Variants in NRG3 observed in about 807,000 individuals in gnomAD.
NRG3 encodes pro-neuregulin-3, membrane-bound isoform.
A neutral mutation model predicts 66.9 loss-of-function variants in NRG3; 31 were observed. The observed-to-expected ratio is 0.46, with a 90% confidence interval of 0.35 to 0.63. The LOEUF is 0.63. Among genes scored for constraint, NRG3 ranks in the 20% least tolerant of loss-of-function variants. NRG3 has a pLI of 0.00. For synonymous variants in NRG3, 393 were observed against 359.4 expected (o/e 1.09, Z -1.06); for missense variants, 910 against 878.9 (o/e 1.04, Z -0.45).
At chr10:82,912,538 G>A (rs748791364) in intron 4 of NRG3, among the ~76,000 whole-genome samples, 3 of 151,888 alleles carry the variant, frequency 2.0e-5, no homozygotes, top group Non-Finnish European at 4.4e-5. Flanking sequence ...TGGCACCCAC[G>A]CCATTATATT....
At chr10:82,951,999 A>G (rs1183200907) in intron 5 of NRG3, among the ~76,000 whole-genome samples, 2 of 152,260 alleles carry the variant, frequency 1.3e-5, no homozygotes, top group East Asian at 3.8e-4. Flanking sequence ...GTTTTTCATA[A>G]AGATTTTAGG....
chr10:81,894,228 C>T (rs769631137), intron 1 of NRG3, among the ~76,000 whole-genome samples: 1 of 152,134 alleles, frequency 6.6e-6, no homozygotes, highest in African/African-American at 2.4e-5. Flanking sequence ...GTAGTCCCAG[C>T]TCCTCATGAG....
chr10:82,474,221 C>G (rs536402220), intron 2 of NRG3, among the ~76,000 whole-genome samples: 21 of 151,770 alleles, frequency 1.4e-4, no homozygotes, highest in African/African-American at 5.1e-4. Context: ...AATATGAATG[C>G]ATGGTCCATT....
In NRG3 at chr10:82,797,043, T is replaced by C. The variant is rs74144326; in HGVS notation, c.1027+58393T>C. Among the ~76,000 whole-genome samples the C allele has an allele frequency of 8.2e-3, 1,252 of 152,112 alleles. 23 individuals are homozygous for C. The highest frequency in any genetic ancestry group is 0.029 in the African/African-American group (1,209 of 41,476). Reference sequence around the variant, plus strand: ...CTCTGAAAAGAGGCAATTAGAAAAATTAAGATCTAAAAAGAGAAGTAACAG... The same window carrying C: ...CTCTGAAAAGAGGCAATTAGAAAAACTAAGATCTAAAAAGAGAAGTAACAG... On this transcript the variant is annotated intron_variant, in intron 3 of 8. Transcript: ENST00000372141.
chr10:82,310,650 A>T (rs900190282), intron 1 of NRG3, among the ~76,000 whole-genome samples: 1 of 152,144 alleles, frequency 6.6e-6, no homozygotes, highest in African/African-American at 2.4e-5. Flanking sequence ...ATTTCTTCCA[A>T]TCATTTTTTT....
At chr10:82,353,490 C>G (rs865857043) in intron 1 of NRG3, among the ~76,000 whole-genome samples, 4 of 152,144 alleles carry the variant, frequency 2.6e-5, no homozygotes, top group African/African-American at 9.7e-5. Context: ...TTTAATTACT[C>G]TACTGATTAC....
At position 82,115,604 on chromosome 10, in the gene NRG3, G is replaced by T. The variant is rs901120302; in HGVS notation, c.823+239441G>T. On this transcript the variant is annotated intron_variant, in intron 1 of 8. Coordinates refer to ENST00000372141, the MANE Select transcript of NRG3 (RefSeq NM_001010848.4). ...TCTGGGGCTTGGTTGTTAATTTGGT[G>T]TAATGTGATTAATTGAGACAGGCAT... Among the ~76,000 whole-genome samples, 52 of 152,204 alleles carry T rather than the reference G, an allele frequency of 3.4e-4. 1 individual carries two copies. The highest frequency in any genetic ancestry group is 5.9e-5 in the Non-Finnish European group (4 of 68,010).
intron 1 of NRG3, among the ~76,000 whole-genome samples, chr10:82,324,023 C>A (rs1335550351): frequency 1.3e-5 from 2 of 152,002 alleles, no homozygotes; most frequent in African/African-American, 4.8e-5. Context: ...TGTGACCACA[C>A]CCAGCTAATT....
chr10:82,194,684 G>A (rs1169374469), intron 1 of NRG3, among the ~76,000 whole-genome samples: 3 of 152,134 alleles, frequency 2.0e-5, no homozygotes, highest in Non-Finnish European at 1.5e-5. Flanking sequence ...AGAGGGCACC[G>A]GTGGGAGGAC....
At chr10:82,031,507 C>G (rs1328510758) in intron 1 of NRG3, among the ~76,000 whole-genome samples, 1 of 152,060 alleles carries the variant, frequency 6.6e-6, no homozygotes, top group Non-Finnish European at 1.5e-5. Flanking sequence ...AAATCAATTT[C>G]ACTGTACATG....
At chr10:82,445,754 G>T (rs2090688209) in intron 2 of NRG3, among the ~76,000 whole-genome samples, 1 of 152,062 alleles carries the variant, frequency 6.6e-6, no homozygotes, top group Non-Finnish European at 1.5e-5. Context: ...TCCCAAACTT[G>T]TATAACTCTG....
intron 3 of NRG3, among the ~76,000 whole-genome samples, chr10:82,776,442 T>C (rs1217449863): frequency 6.6e-6 from 1 of 152,166 alleles, no homozygotes; most frequent in African/African-American, 2.4e-5. Context: ...ACTTTTGAGC[T>C]TCATGGATCT....
chr10:82,737,652 A>C (rs2058219767), intron 2 of NRG3, among the ~76,000 whole-genome samples: 1 of 152,200 alleles, frequency 6.6e-6, no homozygotes, highest in Non-Finnish European at 1.5e-5. Context: ...AGCTTCGAGC[A>C]GACCAGTAAA....
chr10:82,770,754 G>A (rs2059685056), intron 3 of NRG3, among the ~76,000 whole-genome samples: 1 of 152,134 alleles, frequency 6.6e-6, no homozygotes, highest in African/African-American at 2.4e-5. Context: ...GGAGATAAGG[G>A]CTGGCAGGAA....
chr10:82,440,616 C>G (rs550199811), intron 2 of NRG3, among the ~76,000 whole-genome samples: 2 of 151,916 alleles, frequency 1.3e-5, no homozygotes, highest in East Asian at 1.9e-4. Flanking sequence ...TTGTGGAACT[C>G]TTGTGGAGAT....
intron 2 of NRG3, among the ~76,000 whole-genome samples, chr10:82,605,815 A>G (rs2047932327): frequency 6.6e-6 from 1 of 151,866 alleles, no homozygotes; most frequent in Admixed American, 6.6e-5. Context: ...CAGATTACCT[A>G]TTTCTCCTTC....
At chr10:82,601,874 A>G (rs1402724014) in intron 2 of NRG3, among the ~76,000 whole-genome samples, 1 of 147,334 alleles carries the variant, frequency 6.8e-6, no homozygotes, top group Non-Finnish European at 1.5e-5. Context: ...TTATATATAT[A>G]TAACTATATA....
Position 81,914,769 on chromosome 10 carries a change from C to CA in NRG3, c.823+38626dup, listed in dbSNP as rs58460918. Among the ~76,000 whole-genome samples the CA allele has an allele frequency of 8.5e-3, 570 of 67,098 alleles. 7 individuals carry two copies. The highest frequency in any genetic ancestry group is 0.025 in the Middle Eastern group (3 of 120). 44.0% of individuals were successfully genotyped at this position (67,098 alleles called of 152,430 possible). ...ATAGCCTGTCTTTAAAAACAGAAAG[C>CA]AAAAAAAAAAAAAAAAAAAAGAAAG... On this transcript the variant is annotated intron_variant, in intron 1 of 8. Coordinates refer to ENST00000372141, the MANE Select transcript of NRG3 (RefSeq NM_001010848.4).
At chr10:82,015,374 T>A (rs2061741975) in intron 1 of NRG3, among the ~76,000 whole-genome samples, 1 of 152,176 alleles carries the variant, frequency 6.6e-6, no homozygotes, top group African/African-American at 2.4e-5. Context: ...AATTTGAGAA[T>A]AATACTGTTT....
Sources: allele counts gnomAD v4.1 joint callset (sites outside exome capture counted in the v4.1 genomes callset), GRCh38; gene constraint gnomAD v4.1.1; transcripts MANE v1.5; gene names NCBI Gene and HGNC (gene_info 2026-07-23, HGNC 2026-07-21).